The following CREBBP variants were observed in gnomAD, a reference collection of about 807,000 sequenced individuals.
CREBBP encodes CREB binding lysine acetyltransferase, also known as CREB-binding protein.
CREBBP carries 19 observed loss-of-function variants against 265.0 expected under a neutral mutation model. The observed-to-expected ratio is 0.07, with a 90% CI of 0.05 to 0.11. The LOEUF is 0.11. Among genes scored for constraint, CREBBP ranks in the 10% least tolerant of loss-of-function variants. CREBBP has a pLI of 1.00. For missense variants in CREBBP, 2,525 were observed against 3,219.0 expected (o/e 0.78, Z 5.22); for synonymous variants, 1,457 against 1,223.7 (o/e 1.19, Z -3.98).
intron 21 of CREBBP, among the ~76,000 whole-genome samples, chr16:3,747,645 G>A (rs150329887): frequency 2.4e-3 from 366 of 152,304 alleles, no homozygotes; most frequent in Non-Finnish European, 4.1e-3. Flanking sequence ...CTACTTGAAT[G>A]TAATATATTT....
intron 5 of CREBBP, among the ~76,000 whole-genome samples, chr16:3,789,701 T>C (rs1176619741): frequency 1.3e-5 from 2 of 151,446 alleles, no homozygotes; most frequent in Admixed American, 6.6e-5. Context: ...TTGTCAATCA[T>C]ACTTTTGTAA....
chr16:3,876,141 C>A (rs1010054000), intron 1 of CREBBP, among the ~76,000 whole-genome samples: 1 of 151,914 alleles, frequency 6.6e-6, no homozygotes, highest in Non-Finnish European at 1.5e-5. Context: ...TGGGCTCAAG[C>A]GATCCTCCTG....
chr16:3,872,077 C>G (rs2055311228), intron 1 of CREBBP, among the ~76,000 whole-genome samples: 1 of 152,088 alleles, frequency 6.6e-6, no homozygotes, highest in African/African-American at 2.4e-5. Context: ...GGATAATATC[C>G]AAATCTTTCT....
At chr16:3,788,493 C>T (rs1018805762) in intron 5 of CREBBP, among the ~76,000 whole-genome samples, 2 of 152,186 alleles carry the variant, frequency 1.3e-5, no homozygotes, top group African/African-American at 4.8e-5. Context: ...GCCCAGTCAA[C>T]CATGCCACTC....
At chr16:3,780,046 A>T (rs952323409) in intron 8 of CREBBP, among the ~76,000 whole-genome samples, 3 of 152,044 alleles carry the variant, frequency 2.0e-5, no homozygotes, top group African/African-American at 7.3e-5. Flanking sequence ...GTTTGAGACC[A>T]GCCTGGCCAG....
chr16:3,830,105 G>C (rs1275148282), intron 2 of CREBBP, among the ~76,000 whole-genome samples: 3 of 152,150 alleles, frequency 2.0e-5, no homozygotes, highest in Non-Finnish European at 4.4e-5. Flanking sequence ...AAGAGACAAA[G>C]TTAAGAGTGG....
chr16:3,801,394 G>T (rs1344829231), intron 3 of CREBBP, among the ~76,000 whole-genome samples: 6 of 152,220 alleles, frequency 3.9e-5, no homozygotes, highest in Non-Finnish European at 8.8e-5. Flanking sequence ...GGTGGGCTGG[G>T]TGCAGCAGCT....
At chr16:3,849,477 GTGTGTGT>G (rs1260496244) in intron 2 of CREBBP, among the ~76,000 whole-genome samples, 15 of 121,854 alleles carry the variant, frequency 1.2e-4, no homozygotes, top group Non-Finnish European at 2.4e-4. Flanking sequence ...GTGTGTGTGT[GTGTGTGT>G]GTGTGATGTG....
chr16:3,738,370 C>T (rs893818106), intron 26 of CREBBP, among the ~76,000 whole-genome samples, 189 bp downstream of exon 26: 18 of 147,544 alleles, frequency 1.2e-4, no homozygotes, highest in Non-Finnish European at 2.4e-4. Flanking sequence ...GAGCTTGCTA[C>T]GTGCCCAGGA....
At chr16:3,778,868 T>G (rs748052960) in intron 8 of CREBBP, 51 bp from the exon 9 acceptor site, 1 of 1,538,300 alleles carries the variant, frequency 6.5e-7, no homozygotes, top group African/African-American at 1.4e-5. Context: ...TTCTTTTTTT[T>G]AAAGACATGG....
At chr16:3,804,195 C>T (rs891479608) in intron 3 of CREBBP, among the ~76,000 whole-genome samples, 3 of 152,052 alleles carry the variant, frequency 2.0e-5, no homozygotes, top group Non-Finnish European at 4.4e-5. Context: ...ACTGCTGGAC[C>T]AGACCAGGAG....
At chr16:3,775,382 C>T (rs1945471236) in intron 11 of CREBBP, among the ~76,000 whole-genome samples, 1 of 152,206 alleles carries the variant, frequency 6.6e-6, no homozygotes, top group Admixed American at 6.5e-5. Context: ...TGTCTAGTTC[C>T]TTCCAATTTC....
In CREBBP at chr16:3,726,980, A is replaced by G. The variant is rs2151296361; in HGVS notation, c.*738T>C. On this transcript the variant is annotated 3_prime_UTR_variant, in exon 31 of 31. Coordinates refer to ENST00000262367, the MANE Select transcript of CREBBP (RefSeq NM_004380.3). The stretch of plus-strand genomic sequence containing the variant: ...TGCTTTTCCTCATTTCAAGTTTCAC[A>G]TAGAAGAAAGAAAAGAAGGCTTCTT... 1 of 233,690 alleles carries G rather than the reference A, an allele frequency of 4.3e-6. No homozygotes were observed. The highest frequency in any genetic ancestry group is 8.5e-6 in the Non-Finnish European group (1 of 118,042). The allele number at this position is 233,690 out of a possible 1,614,324, so 14.5% of individuals were successfully genotyped here.
At position 3,773,806 on chromosome 16, in the gene CREBBP, C is replaced by A. The variant is rs2141215169; in HGVS notation, c.2408G>T (p.Ser803Ile). 1 of 1,613,468 alleles carries A rather than the reference C, an allele frequency of 6.2e-7. No individual in the cohort carries two copies. Among genetic ancestry groups the A allele is most frequent in the Non-Finnish European group, 8.5e-7 (1 of 1,180,036 alleles). ...FLPQNQFPSSSGAMSVGMGQP... is the reference protein window; with the variant it reads ...FLPQNQFPSSIGAMSVGMGQP... ...CCCCATGCCCACACTCATCGCCCCG[C>A]TGGATGACGGGAACTGGTTCTGTGG... Residue 803 changes from serine to isoleucine, a missense_variant, in exon 13 of 31, where the codon AGC becomes ATC. Ser to Ile is a moderately radical substitution (Grantham distance 142). This residue lies in a region of CREBBP where 548 missense variants were observed against 533.0 expected (regional missense o/e 1.03). Transcript: ENST00000262367.
In CREBBP at chr16:3,744,985, G is replaced by A. The variant is rs139387295; in HGVS notation, c.3915-24C>T. 9,070 of 1,546,196 alleles carry A rather than the reference G, an allele frequency of 5.9e-3. 44 individuals are homozygous for A. The highest frequency in any genetic ancestry group is 7.0e-3 in the South Asian group (628 of 89,680). ...AACTGCAAAATAATAGTGGTATGAT[G>A]AGACTGTATATAATGATGTAAATTG... On this transcript the variant is annotated intron_variant, in intron 22 of 30. Coordinates refer to ENST00000262367, the MANE Select transcript of CREBBP (RefSeq NM_004380.3).
Position 3,726,520 on chromosome 16 carries a change from C to T in CREBBP, c.*1198G>A, listed in dbSNP as rs938690373. 20 of 233,632 alleles carry T rather than the reference C, an allele frequency of 8.6e-5. No homozygotes were observed. The highest frequency in any genetic ancestry group is 1.8e-4 in the East Asian group (3 of 16,610). The allele number at this position is 233,632 out of a possible 1,614,324, so 14.5% of individuals were successfully genotyped here. The stretch of plus-strand genomic sequence containing the variant: ...CCACCCACGCCGCCACAACCACAAC[C>T]GCAGCCCCAGCCTCTCCGCTATGAG... On this transcript the variant is annotated 3_prime_UTR_variant, in exon 31 of 31. Transcript: ENST00000262367.
intron 1 of CREBBP, among the ~76,000 whole-genome samples, chr16:3,857,789 A>G (rs370644662): frequency 6.8e-4 from 104 of 152,348 alleles, no homozygotes; most frequent in African/African-American, 2.1e-3. Flanking sequence ...AGCTAGGGAA[A>G]GGAATTTTCC....
intron 2 of CREBBP, among the ~76,000 whole-genome samples, chr16:3,821,477 C>T (rs1426539189): frequency 1.3e-5 from 2 of 152,214 alleles, no homozygotes; most frequent in East Asian, 1.9e-4. Flanking sequence ...GCACCCTGGA[C>T]ACCACTTCCC....
At chr16:3,874,198 T>G (rs1282339175) in intron 1 of CREBBP, among the ~76,000 whole-genome samples, 1 of 152,212 alleles carries the variant, frequency 6.6e-6, no homozygotes, top group African/African-American at 2.4e-5. Context: ...TCCATATAAC[T>G]GTTACAGAGG....
Sources: allele counts gnomAD v4.1 joint callset (sites outside exome capture counted in the v4.1 genomes callset), GRCh38; gene constraint gnomAD v4.1.1; regional missense constraint gnomAD v4.1.1; transcripts MANE v1.5; gene names NCBI Gene and HGNC (gene_info 2026-07-23, HGNC 2026-07-21).